TNRC6B: variants seen among roughly 807,000 people sequenced by gnomAD.
The protein encoded by TNRC6B is trinucleotide repeat-containing gene 6B protein.
In TNRC6B, 52 loss-of-function variants were observed where a neutral mutation model predicts 203.6. That is an observed-to-expected ratio of 0.26 (90% CI 0.20 to 0.32). TNRC6B has a LOEUF of 0.32. TNRC6B is among the 10% of genes least tolerant of loss of function. The pLI, the probability that TNRC6B is intolerant of heterozygous loss-of-function variation, is 1.00. For synonymous variants in TNRC6B, 838 were observed against 845.7 expected (o/e 0.99, Z 0.16); for missense variants, 1,923 against 2,286.2 (o/e 0.84, Z 3.24).
chr22:40,279,734 C>T (rs1208365548), intron 9 of TNRC6B, among the ~76,000 whole-genome samples: 2 of 152,106 alleles, frequency 1.3e-5, no homozygotes, highest in Non-Finnish European at 2.9e-5. Context: ...TTTCAGTCTT[C>T]CATGGAAAAC....
intron 1 of TNRC6B, among the ~76,000 whole-genome samples, chr22:40,189,275 T>C (rs1031410903): frequency 2.6e-5 from 4 of 152,122 alleles, no homozygotes; most frequent in African/African-American, 7.2e-5. Flanking sequence ...CCCCCAGATA[T>C]TAGAGAAACT....
At chr22:40,200,278 CTTTTTTTTTTTT>C (rs59067007) in intron 1 of TNRC6B, among the ~76,000 whole-genome samples, 2 of 75,510 alleles carry the variant, frequency 2.6e-5, no homozygotes, top group Non-Finnish European at 4.5e-5. Context: ...AAGTAATATT[CTTTTTTTTTTTT>C]TTTTTTTTTT....
chr22:40,195,342 A>C (rs1245300333), intron 1 of TNRC6B, among the ~76,000 whole-genome samples: 1 of 152,252 alleles, frequency 6.6e-6, no homozygotes, highest in Non-Finnish European at 1.5e-5. Flanking sequence ...TTCTTAGATT[A>C]ATTCCTGATC....
At chr22:40,308,459 A>G (rs2071123448) in intron 15 of TNRC6B, 53 bp from the exon 16 acceptor site, 1 of 1,609,106 alleles carries the variant, frequency 6.2e-7, no homozygotes, top group South Asian at 1.1e-5. Context: ...TCTGCTTCAG[A>G]ACTCTTGATA....
At chr22:40,091,250 G>A (rs2068148627) in intron 1 of TNRC6B, among the ~76,000 whole-genome samples, 2 of 152,028 alleles carry the variant, frequency 1.3e-5, no homozygotes, top group East Asian at 1.9e-4. Context: ...CCCAAAGCAT[G>A]ATGATATTTT....
At chr22:40,128,572 G>GGCTCACAGCTCACA (rs199537024) in intron 3 of TNRC6B, among the ~76,000 whole-genome samples, 20 of 146,604 alleles carry the variant, frequency 1.4e-4, no homozygotes, top group African/African-American at 4.0e-4. Flanking sequence ...CACGGCTCAC[G>GGCTCACAGCTCACA]GCTCACAGCT....
At chr22:40,280,237 T>C in intron 10 of TNRC6B, 94 bp downstream of exon 10, 1 of 1,296,314 alleles carries the variant, frequency 7.7e-7, no homozygotes, top group Non-Finnish European at 1.1e-6. Flanking sequence ...AAGCATAGAA[T>C]TACTGAACTA....
chr22:40,051,707 C>T (rs1265187275), intron 1 of TNRC6B, among the ~76,000 whole-genome samples: 1 of 151,942 alleles, frequency 6.6e-6, no homozygotes, highest in East Asian at 1.9e-4. Context: ...TAGCACTGTC[C>T]AATAGAAATA....
intron 4 of TNRC6B, among the ~76,000 whole-genome samples, chr22:40,263,849 C>T (rs2070426933): frequency 6.6e-6 from 1 of 152,210 alleles, no homozygotes; most frequent in African/African-American, 2.4e-5. Context: ...CAGATGCTTA[C>T]TCCGCAGCAT....
intron 3 of TNRC6B, among the ~76,000 whole-genome samples, chr22:40,132,969 A>ATATATAT (rs1555884686): frequency 0.093 from 7,253 of 78,084 alleles, 495 homozygotes; most frequent in South Asian, 0.18. Context: ...AAAAAAAAAA[A>ATATATAT]ATATATATAT....
At chr22:40,150,574 C>T (rs1004229496) in intron 3 of TNRC6B, among the ~76,000 whole-genome samples, 1 of 152,192 alleles carries the variant, frequency 6.6e-6, no homozygotes, top group African/African-American at 2.4e-5. Context: ...ACGCTTTCCT[C>T]ATATCCACAG....
At chr22:40,057,935 C>A (rs1269698268) in intron 1 of TNRC6B, among the ~76,000 whole-genome samples, 1 of 152,148 alleles carries the variant, frequency 6.6e-6, no homozygotes, top group Non-Finnish European at 1.5e-5. Context: ...TTAGATGTAC[C>A]ATGGACAACA....
At chr22:40,075,156 A>ATATATATATATTTTT in intron 1 of TNRC6B, among the ~76,000 whole-genome samples, 1 of 35,566 alleles carries the variant, frequency 2.8e-5, no homozygotes, top group African/African-American at 1.0e-4. Flanking sequence ...ATATATATAT[A>ATATATATATATTTTT]TTTTTTTTTT....
chr22:40,311,077 T>A, intron 17 of TNRC6B, 84 bp downstream of exon 17: 2 of 1,376,304 alleles, frequency 1.5e-6, no homozygotes, highest in East Asian at 2.5e-5. Flanking sequence ...GCTTTTGTGA[T>A]TCATGTTACT....
At chr22:40,219,919 C>G (rs142105954) in intron 1 of TNRC6B, among the ~76,000 whole-genome samples, 2 of 152,152 alleles carry the variant, frequency 1.3e-5, no homozygotes, top group Non-Finnish European at 1.5e-5. Flanking sequence ...GTCTTTTTCT[C>G]CTCTGTCCTG....
At chr22:40,256,120 G>C (rs2070273331) in intron 3 of TNRC6B, among the ~76,000 whole-genome samples, 1 of 152,182 alleles carries the variant, frequency 6.6e-6, no homozygotes, top group Admixed American at 6.5e-5. Flanking sequence ...ATATGTGGGT[G>C]GGGGAACATT....
intron 1 of TNRC6B, among the ~76,000 whole-genome samples, chr22:40,202,714 G>A (rs1021304222): frequency 6.6e-6 from 1 of 152,102 alleles, no homozygotes; most frequent in Non-Finnish European, 1.5e-5. Flanking sequence ...CCTTGAAGGT[G>A]TATCAGAGGA....
chr22:40,305,848 TTCTC>T (rs1019636754), intron 15 of TNRC6B, among the ~76,000 whole-genome samples: 1 of 152,142 alleles, frequency 6.6e-6, no homozygotes, highest in African/African-American at 2.4e-5. Context: ...TTCTTTCTCT[TTCTC>T]TTTCTTTCTC....
At chr22:40,293,132 C>T (rs2070890605) in intron 12 of TNRC6B, among the ~76,000 whole-genome samples, 1 of 148,312 alleles carries the variant, frequency 6.7e-6, no homozygotes, top group South Asian at 2.1e-4. Context: ...TGTTCATAGA[C>T]ATTTGGATTG....
Sources: allele counts gnomAD v4.1 joint callset (sites outside exome capture counted in the v4.1 genomes callset), GRCh38; gene constraint gnomAD v4.1.1; transcripts MANE v1.5; gene names NCBI Gene and HGNC (gene_info 2026-07-23, HGNC 2026-07-21).